MED12: variants seen among roughly 807,000 people sequenced by gnomAD.
MED12 encodes the protein mediator complex subunit 12.
MED12 carries 10 observed loss-of-function variants against 177.7 expected under a neutral mutation model. The observed-to-expected ratio is 0.06, with a 90% CI of 0.03 to 0.10. The LOEUF is 0.10. Among genes scored for constraint, MED12 ranks in the 10% least tolerant of loss-of-function variants. MED12 has a pLI of 1.00. For synonymous variants in MED12, 641 were observed against 678.4 expected (o/e 0.94, Z 0.86); for missense variants, 867 against 1,780.8 (o/e 0.49, Z 9.23).
At chrX:71,136,254 C>T (rs776881177) in intron 36 of MED12, 27 bp from the exon 37 acceptor site, 50 of 1,209,032 alleles carry the variant, frequency 4.1e-5, no homozygotes, top group Non-Finnish European at 5.1e-5. Flanking sequence ...GTCCCAACAG[C>T]TTATTGTTTT....
chrX:71,128,702 T>G lies in MED12; in HGVS notation c.3459T>G (p.Pro1153=). Residue 1153 remains proline, a synonymous_variant, in exon 24 of 45, where the codon CCT becomes CCG. Transcript: ENST00000374080. Reference sequence around the variant, plus strand: ...ATCTGATTCGCTGTGCTGCCATCCCTTCACTCCTTAATGCTGGTGAACTAC... The same window carrying G: ...ATCTGATTCGCTGTGCTGCCATCCCGTCACTCCTTAATGCTGGTGAACTAC... ...LEDLIRCAAI[P]SLLNAACSEQ... 1 of 1,209,561 alleles carries G rather than the reference T, an allele frequency of 8.3e-7. No individual in the cohort carries two copies. Among genetic ancestry groups the G allele is most frequent in the Non-Finnish European group, 1.1e-6 (1 of 895,228 alleles).
Position 71,121,798 on chromosome X carries a change from C to T in MED12, c.1083C>T (p.Gly361=), listed in dbSNP as rs1452591197. The change falls in exon 7 of 45, where the codon GGC becomes GGT. Residue 361 remains glycine (G), a synonymous_variant. Transcript: ENST00000374080. ...MCPQHRPLVF[G]LSCILQTILL... is the part of the protein sequence containing the mutation. ...CTCAGCACCGGCCCCTGGTTTTTGG[C>T]CTCAGCTGTATCCTACAGGTAGGTA... The T allele has an allele frequency of 1.7e-6, 2 of 1,212,072 alleles. No individual in the cohort carries two copies. The highest frequency in any genetic ancestry group is 2.2e-6 in the Non-Finnish European group (2 of 895,585).
intron 35 of MED12, 106 bp downstream of exon 35, chrX:71,134,954 C>T: frequency 8.6e-7 from 1 of 1,164,324 alleles, no homozygotes; most frequent in Non-Finnish European, 1.2e-6. Flanking sequence ...CTCACGTCTG[C>T]CTTTTCTTTG....
chrX:71,142,111 T>G, intron 44 of MED12, 64 bp from the exon 45 acceptor site: 1 of 1,144,510 alleles, frequency 8.7e-7, no homozygotes, highest in South Asian at 1.8e-5. Flanking sequence ...CTGAACAGCT[T>G]TCCTCGTGCA....
intron 6 of MED12, 53 bp from the exon 7 acceptor site, chrX:71,121,509 A>G: frequency 8.3e-7 from 1 of 1,210,631 alleles, no homozygotes; most frequent in Non-Finnish European, 1.1e-6. Flanking sequence ...ATAAAATGTT[A>G]GAGCAGGGTC....
At position 71,124,801 on chromosome X, in the gene MED12, G is replaced by A. The variant is rs5937067; in HGVS notation, c.2012G>A (p.Ser671Asn). The A allele has an allele frequency of 1.7e-6, 2 of 1,210,290 alleles. No individual in the cohort carries two copies. The highest frequency in any genetic ancestry group is 2.2e-6 in the Non-Finnish European group (2 of 894,342). Residue 671 changes from serine to asparagine, a missense_variant, in exon 14 of 45, where the codon AGT becomes AAT. Physicochemically the swap from Ser to Asn is conservative, Grantham distance 46. Coordinates refer to ENST00000374080, the MANE Select transcript of MED12 (RefSeq NM_005120.3). Reference protein sequence around the residue: ...GLSESMDIDPSSSVLFEDMEK... With the variant: ...GLSESMDIDPNSSVLFEDMEK... ...TCAGAATCTATGGACATTGACCCTA[G>A]TTCCAGTGTTCTCTTTGAGGACATG... is the stretch of plus-strand genomic sequence containing the variant.
At position 71,128,901 on chromosome X, in the gene MED12, G is replaced by C; in HGVS notation, c.3475+183G>C. ...CCTGTTTTTTAGCCCTGGATTTGCAGCCCTGACCTTTCCAATTTCTGACCC... is the reference window on the plus strand; with the variant it reads ...CCTGTTTTTTAGCCCTGGATTTGCACCCCTGACCTTTCCAATTTCTGACCC... On this transcript the variant is annotated intron_variant, in intron 24 of 44. Transcript: ENST00000374080. 4.9e-6 allele frequency: 3 copies of C among 607,532 alleles called. No individual in the cohort carries two copies. The South Asian group carries it at 7.5e-5, about 15-fold the overall frequency. 50.1% of individuals were successfully genotyped at this position (607,532 alleles called of 1,213,427 possible).
rs398124196 is a variant in MED12 at position 71,127,146 on chromosome X, C to T, written c.2849+14C>T. 1.1e-5 allele frequency: 13 copies of T among 1,203,512 alleles called. No homozygotes were observed. The highest frequency in any genetic ancestry group is 6.6e-5 in the Admixed American group (3 of 45,334). ...GGTCTTTGAGGGGTAAGCAGAGCTTCGGAATAACTGAAACAAAGCTCTGGC... is the reference window on the plus strand; with the variant it reads ...GGTCTTTGAGGGGTAAGCAGAGCTTTGGAATAACTGAAACAAAGCTCTGGC... On this transcript the variant is annotated intron_variant, in intron 20 of 44. Coordinates refer to ENST00000374080, the MANE Select transcript of MED12 (RefSeq NM_005120.3).
chrX:71,123,551 G>C (rs1385503374), intron 11 of MED12, 43 bp from the exon 12 acceptor site: 2 of 1,204,841 alleles, frequency 1.7e-6, no homozygotes, highest in Non-Finnish European at 2.2e-6. Flanking sequence ...GAGTGAAGAA[G>C]CAGGTAAAAG....
At chrX:71,133,042 C>A in intron 32 of MED12, 81 bp from the exon 33 acceptor site, 1 of 1,047,124 alleles carries the variant, frequency 9.5e-7, no homozygotes, top group Non-Finnish European at 1.3e-6. Context: ...AACTTCAGTA[C>A]TTTCTGATAA....
Position 71,135,282 on chromosome X carries a change from T to A in MED12, c.5025+29T>A, listed in dbSNP as rs372815238. ...TGTTCCATTGTCTGCCCGTGTCCCT[T>A]GCCTTTTTTCCCCTTTGGGCAAGAA... On this transcript the variant is annotated intron_variant, in intron 36 of 44. Coordinates refer to ENST00000374080, the MANE Select transcript of MED12 (RefSeq NM_005120.3). The A allele has an allele frequency of 3.4e-5, 41 of 1,209,646 alleles. No homozygotes were observed. In the African/African-American group the frequency reaches 6.1e-4, roughly 18 times the overall value.
intron 36 of MED12, among the ~76,000 whole-genome samples, chrX:71,135,856 T>C (rs2092330865): frequency 9.0e-6 from 1 of 110,769 alleles, no homozygotes; most frequent in African/African-American, 3.3e-5. Flanking sequence ...TCTCTGACTC[T>C]TTCTCGGCCT....
rs754662384 is a variant in MED12, at chrX:71,132,935, C to T, written c.4506C>T (p.Ser1502=). ...AACAACGCGAGGGACTCCTTACCTC[C>T]CTCTACAGCCAGGTGCACCAGGTAC... The part of the protein sequence containing the change: ...QDEQREGLLT[S]LYSQVHQIVN... The change falls in exon 32 of 45, where the codon TCC becomes TCT. Residue 1502 remains serine (S), a synonymous_variant. Transcript: ENST00000374080. The T allele has an allele frequency of 5.1e-6, 6 of 1,186,154 alleles. No homozygotes were observed. Among genetic ancestry groups the T allele is most frequent in the Non-Finnish European group, 5.7e-6 (5 of 880,956 alleles).
At chrX:71,119,178 G>T (rs1178652252) in intron 1 of MED12, among the ~76,000 whole-genome samples, 195 bp from the exon 2 acceptor site, 1 of 110,365 alleles carries the variant, frequency 9.1e-6, no homozygotes, top group Admixed American at 9.6e-5. Flanking sequence ...CTGGGTGGCT[G>T]GGAATCCTAG....
rs745565325 is a variant in MED12, at chrX:71,140,758, A to G, written c.6168A>G (p.Gln2056=). The G allele has an allele frequency of 1.1e-5, 13 of 1,208,132 alleles. No homozygotes were observed. The highest frequency in any genetic ancestry group is 2.3e-4 in the Middle Eastern group (1 of 4,340). The change falls in exon 42 of 45, where the codon CAA becomes CAG. Residue 2056 remains glutamine, a synonymous_variant. Transcript: ENST00000374080. ...AILPEQQQQQ[Q]QQQQQQQQQQ... is the part of the protein sequence containing the mutation. The stretch of plus-strand genomic sequence containing the variant: ...TACCTGAGCAGCAGCAGCAGCAGCA[A>G]CAGCAGCAACAGCAACAGCAGCAGC...
Position 71,124,262 on chromosome X carries a change from C to T in MED12, c.1848C>T (p.Cys616=). 1 of 1,209,992 alleles carries T rather than the reference C, an allele frequency of 8.3e-7. No individual in the cohort carries two copies. The highest frequency in any genetic ancestry group is 1.1e-6 in the Non-Finnish European group (1 of 893,820). Residue 616 remains cysteine, a synonymous_variant, in exon 13 of 45, where the codon TGC becomes TGT. Transcript: ENST00000374080. ...TTTTCTCCCACAACATGTATACTTG[C>T]ACTCTCATCTCCCGAGGGGACCTTG... ...HDVFSHNMYT[C]TLISRGDLAF...
chrX:71,120,756 G>A (rs937870542), intron 4 of MED12, among the ~76,000 whole-genome samples: 4 of 109,904 alleles, frequency 3.6e-5, no homozygotes, highest in Non-Finnish European at 5.7e-5. Context: ...GATTACAGGC[G>A]CCCACCACTG....
rs374555675 is a variant in MED12, at chrX:71,119,474, C to G, written c.201C>G (p.Ala67=). The G allele has an allele frequency of 1.7e-6, 2 of 1,178,267 alleles. No homozygotes were observed. The highest frequency in any genetic ancestry group is 2.3e-6 in the Non-Finnish European group (2 of 873,172). ...GSAKNVSFNP[A]KISSNFSSII... ...CCAAGAACGTCAGCTTCAATCCTGC[C>G]AAGGTGAGACAACTCTGCCAGGCTG... Residue 67 remains alanine, a synonymous_variant, in exon 2 of 45, where the codon GCC becomes GCG. Coordinates refer to ENST00000374080, the MANE Select transcript of MED12 (RefSeq NM_005120.3).
intron 4 of MED12, 57 bp downstream of exon 4, chrX:71,120,227 AC>A: frequency 1.8e-6 from 2 of 1,085,021 alleles, no homozygotes; most frequent in Non-Finnish European, 2.6e-6. Context: ...TGATAGAGAC[AC>A]CCTTGGAACC....
Sources: allele counts gnomAD v4.1 joint callset (sites outside exome capture counted in the v4.1 genomes callset), GRCh38; gene constraint gnomAD v4.1.1; transcripts MANE v1.5; gene names NCBI Gene and HGNC (gene_info 2026-07-23, HGNC 2026-07-21).